The following CDH23 variants were observed in gnomAD, a reference collection of about 807,000 sequenced individuals.
The protein encoded by CDH23 is cadherin-23.
A neutral mutation model predicts 317.1 loss-of-function variants in CDH23; 189 were observed. The observed-to-expected ratio is 0.60, with a 90% confidence interval of 0.53 to 0.67. The LOEUF (loss-of-function observed/expected upper bound fraction) is 0.67. CDH23 is among the 30% of genes least tolerant of loss of function. CDH23 has a pLI of 0.00. For synonymous variants in CDH23, 1,839 were observed against 1,876.8 expected (o/e 0.98, Z 0.52); for missense variants, 4,401 against 4,592.4 (o/e 0.96, Z 1.20).
intron 28 of CDH23, among the ~76,000 whole-genome samples, chr10:71,722,501 G>T (rs774534795): frequency 6.6e-6 from 1 of 152,196 alleles, no homozygotes; most frequent in African/African-American, 2.4e-5. Context: ...CTCCTAAGTC[G>T]TTCACATATT....
In CDH23 at chr10:71,725,422, C is replaced by T. The variant is rs397517323; in HGVS notation, c.3481C>T (p.Arg1161Ter). 4 of 1,614,012 alleles carry T rather than the reference C, an allele frequency of 2.5e-6. No individual in the cohort carries two copies. The highest frequency in any genetic ancestry group is 1.7e-5 in the Admixed American group (1 of 60,030). ...RIHVSNGLLM[R>*]GPRPLDRERN... ...CCATGTCAGCAATGGGCTCCTGATG[C>T]GAGGGCCCCGGCCCCTGGACCGGGA... The change falls in exon 30 of 70, where the codon CGA (arginine) becomes TGA (stop). Residue 1161 changes from arginine (R) to a stop codon, truncating the protein, a stop_gained. Transcript: ENST00000224721. LOFTEE classifies it high-confidence loss of function.
intron 38 of CDH23, among the ~76,000 whole-genome samples, chr10:71,759,952 T>C (rs1331005523): frequency 9.4e-6 from 1 of 106,306 alleles, no homozygotes; most frequent in African/African-American, 3.1e-5. Flanking sequence ...CACACATATA[T>C]ATACACACAC....
chr10:71,809,742 C>A, intron 60 of CDH23, 78 bp from the exon 61 acceptor site: 1 of 1,557,744 alleles, frequency 6.4e-7, no homozygotes. Context: ...TGCCCACCTA[C>A]CCCAGGGCTC....
rs573491533 is a variant in CDH23 at position 71,801,176 on chromosome 10, A to G, written c.7482+421A>G. Reference sequence around the variant, plus strand: ...TTTTTTTTTTTTTTTTTTTTTTGAGATGGAGTTTCACTCTTGTTGCCCAGG... The same window carrying G: ...TTTTTTTTTTTTTTTTTTTTTTGAGGTGGAGTTTCACTCTTGTTGCCCAGG... On this transcript the variant is annotated intron_variant, in intron 53 of 69. Coordinates refer to ENST00000224721, the MANE Select transcript of CDH23 (RefSeq NM_022124.6). Among the ~76,000 whole-genome samples, 484 of 60,528 alleles carry G rather than the reference A, an allele frequency of 8.0e-3. 1 individual carries two copies. Among genetic ancestry groups the G allele is most frequent in the Middle Eastern group, 0.028 (2 of 72 alleles). The allele number at this position is 60,528 out of a possible 152,430, so 39.7% of individuals were successfully genotyped here.
chr10:71,404,835 C>A (rs1253953624), intron 1 of CDH23, among the ~76,000 whole-genome samples: 1 of 152,242 alleles, frequency 6.6e-6, no homozygotes, highest in Non-Finnish European at 1.5e-5. Flanking sequence ...AGCGATATCA[C>A]CTTCCTCTTT....
chr10:71,402,011 A>T (rs1847802944), intron 1 of CDH23, among the ~76,000 whole-genome samples: 1 of 152,202 alleles, frequency 6.6e-6, no homozygotes, highest in Admixed American at 6.5e-5. Flanking sequence ...AAACTGGCAT[A>T]TTTAAAACGT....
intron 14 of CDH23, among the ~76,000 whole-genome samples, chr10:71,653,839 CG>C (rs1564712080): frequency 6.6e-6 from 1 of 152,144 alleles, no homozygotes; most frequent in African/African-American, 2.4e-5. Flanking sequence ...TGAAGAGAGA[CG>C]GGGCATTTAA....
intron 3 of CDH23, among the ~76,000 whole-genome samples, chr10:71,462,892 C>T (rs1202596723): frequency 2.0e-5 from 3 of 152,358 alleles, no homozygotes; most frequent in South Asian, 2.1e-4. Flanking sequence ...AGAAGATACA[C>T]GTGGGAGTGC....
chr10:71,540,263 A>G (rs1454282785), intron 6 of CDH23, among the ~76,000 whole-genome samples: 1 of 152,176 alleles, frequency 6.6e-6, no homozygotes, highest in Non-Finnish European at 1.5e-5. Context: ...TTATCAGCCC[A>G]GACCCTGGAC....
intron 21 of CDH23, among the ~76,000 whole-genome samples, chr10:71,695,063 G>A (rs1865328010): frequency 6.6e-6 from 1 of 152,202 alleles, no homozygotes; most frequent in African/African-American, 2.4e-5. Context: ...TTGGCTTGTA[G>A]CTGAGACGGG....
At chr10:71,576,237 G>A (rs141187100) in intron 8 of CDH23, among the ~76,000 whole-genome samples, 45 of 152,326 alleles carry the variant, frequency 3.0e-4, no homozygotes, top group African/African-American at 1.1e-3. Context: ...CTGCATGTGT[G>A]TCTGGGACAT....
At chr10:71,647,889 A>G (rs1862970345) in intron 14 of CDH23, 1 of 152,160 alleles carries the variant, frequency 6.6e-6, no homozygotes, top group African/African-American at 2.4e-5. Context: ...TGCTCAATAA[A>G]TGTCACGGAG....
At chr10:71,729,840 A>T (rs926145630) in intron 30 of CDH23, among the ~76,000 whole-genome samples, 5 of 147,072 alleles carry the variant, frequency 3.4e-5, no homozygotes, top group Non-Finnish European at 6.0e-5. Flanking sequence ...ATTATTATTA[A>T]TTTTTTTTTT....
At chr10:71,601,776 C>T (rs941376927) in intron 9 of CDH23, among the ~76,000 whole-genome samples, 20 of 152,208 alleles carry the variant, frequency 1.3e-4, no homozygotes, top group Admixed American at 9.8e-4. Context: ...GAATCTGCTA[C>T]TGAAACAAAG....
intron 18 of CDH23, among the ~76,000 whole-genome samples, chr10:71,685,381 G>T (rs1864830632): frequency 6.6e-6 from 1 of 152,198 alleles, no homozygotes; most frequent in Non-Finnish European, 1.5e-5. Context: ...CTCAGCTAAG[G>T]CAGGGACTGG....
chr10:71,537,963 A>G (rs1855791833), intron 6 of CDH23, among the ~76,000 whole-genome samples: 1 of 152,206 alleles, frequency 6.6e-6, no homozygotes. Flanking sequence ...CCACTCCCTC[A>G]GTAGGGAGCC....
At chr10:71,437,187 C>A (rs1201043775) in intron 1 of CDH23, among the ~76,000 whole-genome samples, 1 of 152,188 alleles carries the variant, frequency 6.6e-6, no homozygotes, top group Non-Finnish European at 1.5e-5. Flanking sequence ...ATTGCCACAG[C>A]CTTTTCCAGA....
At chr10:71,609,995 T>TGTGAGA (rs3222215) in intron 9 of CDH23, among the ~76,000 whole-genome samples, 20 of 140,928 alleles carry the variant, frequency 1.4e-4, no homozygotes, top group Middle Eastern at 3.8e-3. Flanking sequence ...TGTGTGTGTG[T>TGTGAGA]GAGAGAGACA....
Position 71,798,439 on chromosome 10 carries a change from C to T in CDH23, c.6915C>T (p.Ile2305=), listed in dbSNP as rs527603267. Residue 2305 remains isoleucine (I), a synonymous_variant, in exon 50 of 70, where the codon ATC becomes ATT. Transcript: ENST00000224721. ...GGATCACCTACTACATGGAGCGGAT[C>T]CTGGAGGGGGCCACCCCTGGGACCA... is the stretch of plus-strand genomic sequence containing the variant. ...PFGITYYMER[I]LEGATPGTTL... is the part of the protein sequence containing the mutation. The T allele has an allele frequency of 3.1e-6, 5 of 1,613,970 alleles. No individual in the cohort carries two copies. The African/African-American group carries it at 4.0e-5, about 13-fold the overall frequency.
Sources: allele counts gnomAD v4.1 joint callset (sites outside exome capture counted in the v4.1 genomes callset), GRCh38; gene constraint gnomAD v4.1.1; transcripts MANE v1.5; gene names NCBI Gene and HGNC (gene_info 2026-07-23, HGNC 2026-07-21).